TIGIT: variants seen among roughly 807,000 people sequenced by gnomAD.
TIGIT encodes the protein T-cell immunoreceptor with Ig and ITIM domains.
A neutral mutation model predicts 19.6 loss-of-function variants in TIGIT; 11 were observed. That is an observed-to-expected ratio of 0.56 (90% CI 0.35 to 0.93). The LOEUF is 0.93. TIGIT is among the 40% of genes least tolerant of loss of function. TIGIT has a pLI of 0.01. For synonymous variants in TIGIT, 130 were observed against 125.5 expected, an observed-to-expected ratio of 1.04 and a Z score of -0.24; for missense variants, 295 against 303.9, an observed-to-expected ratio of 0.97 and a Z score of 0.22.
chr3:114,307,704 C>T, intron 3 of TIGIT, 191 bp from the exon 4 acceptor site: 1 of 594,398 alleles, frequency 1.7e-6, no homozygotes, highest in Non-Finnish European at 3.0e-6. Context: ...AGTGCAGTTT[C>T]CATGGACTAG....
rs762078396 is a variant in TIGIT at position 114,308,057 on chromosome 3, G to A, written c.661G>A (p.Glu221Lys). ...CGEQRGEDCAELHDYFNVLSY... is the reference protein window; with the variant it reads ...CGEQRGEDCAKLHDYFNVLSY... ...AGAGCAGCGGGGAGAGGACTGTGCCGAGCTGCATGACTACTTCAATGTCCT... is the reference window on the plus strand; with the variant it reads ...AGAGCAGCGGGGAGAGGACTGTGCCAAGCTGCATGACTACTTCAATGTCCT... Residue 221 changes from glutamate to lysine, a missense_variant, in exon 4 of 4, where the codon GAG becomes AAG. Glu to Lys is a moderately conservative substitution (Grantham distance 56). Transcript: ENST00000383671. 2.2e-5 allele frequency: 36 copies of A among 1,614,168 alleles called. No homozygotes were observed. The highest frequency in any genetic ancestry group is 1.3e-4 in the East Asian group (6 of 44,878).
chr3:114,310,208 C>CTAT lies in TIGIT; in HGVS notation c.*2079_*2081dup. ...AGATTTAATATGAATAATAAGAATA[C>CTAT]TATTTCAGTAGTTTTGGTATATTGT... On this transcript the variant is annotated 3_prime_UTR_variant, in exon 4 of 4. Coordinates refer to ENST00000383671, the MANE Select transcript of TIGIT (RefSeq NM_173799.4). 1 of 152,112 alleles carries CTAT rather than the reference C, an allele frequency of 6.6e-6. No individual in the cohort carries two copies. The highest frequency in any genetic ancestry group is 1.9e-4 in the East Asian group (1 of 5,188). The allele number at this position is 152,112 out of a possible 1,614,324, so 9.4% of individuals were successfully genotyped here.
chr3:114,298,416 T>A lies in TIGIT; in HGVS notation c.392-1181T>A, dbSNP rs537243773. On this transcript the variant is annotated intron_variant, in intron 2 of 3. Coordinates refer to ENST00000383671, the MANE Select transcript of TIGIT (RefSeq NM_173799.4). Reference sequence around the variant, plus strand: ...CTCAACATGCTTTTCACTCCATCTATCTTCATCTGTCCCCAAGGTGTAAGA... The same window carrying A: ...CTCAACATGCTTTTCACTCCATCTAACTTCATCTGTCCCCAAGGTGTAAGA... Among the ~76,000 whole-genome samples the A allele has an allele frequency of 2.0e-5, 3 of 152,352 alleles. No homozygotes were observed. The South Asian group carries it at 6.2e-4, about 32-fold the overall frequency.
intron 3 of TIGIT, among the ~76,000 whole-genome samples, chr3:114,303,076 A>G (rs2078502441): frequency 6.6e-6 from 1 of 152,196 alleles, no homozygotes; most frequent in Non-Finnish European, 1.5e-5. Flanking sequence ...TTAATTTCAT[A>G]TAATTTTTAT....
At chr3:114,295,156 G>T in intron 1 of TIGIT, 1 of 231,592 alleles carries the variant, frequency 4.3e-6, no homozygotes, top group South Asian at 6.6e-5. Flanking sequence ...TCTTCTAGGA[G>T]GCGGGGAGGG....
intron 3 of TIGIT, among the ~76,000 whole-genome samples, chr3:114,302,425 G>A (rs2107952008): frequency 6.6e-6 from 1 of 152,326 alleles, no homozygotes; most frequent in African/African-American, 2.4e-5. Flanking sequence ...CTTCTCTCTT[G>A]TAGTCTTGAC....
intron 2 of TIGIT, among the ~76,000 whole-genome samples, chr3:114,298,546 C>A (rs2078469710): frequency 6.6e-6 from 1 of 152,180 alleles, no homozygotes; most frequent in Non-Finnish European, 1.5e-5. Context: ...TTACCTGCTG[C>A]AGTGTGTTCT....
chr3:114,306,272 T>G (rs973604155), intron 3 of TIGIT, among the ~76,000 whole-genome samples: 2 of 152,138 alleles, frequency 1.3e-5, no homozygotes, highest in Non-Finnish European at 2.9e-5. Context: ...TGGCTACATT[T>G]AGAGTGTATC....
intron 2 of TIGIT, 110 bp downstream of exon 2, chr3:114,295,984 A>C: frequency 2.3e-6 from 2 of 872,340 alleles, no homozygotes; most frequent in South Asian, 1.8e-5. Flanking sequence ...CATTTGAATC[A>C]CCTGAGGAGA....
intron 2 of TIGIT, 32 bp downstream of exon 2, chr3:114,295,906 C>T (rs773431041): frequency 6.5e-7 from 1 of 1,536,026 alleles, no homozygotes; most frequent in African/African-American, 1.4e-5. Flanking sequence ...GGTGGATAAA[C>T]CTCTCCCTCT....
In TIGIT at chr3:114,310,069, A is replaced by G. The variant is rs1313582152; in HGVS notation, c.*1938A>G. Reference sequence around the variant, plus strand: ...AGTTGGATTCCTGGAGACATGCGCTATCCACCACGTAGCCACTTTCCACAT... The same window carrying G: ...AGTTGGATTCCTGGAGACATGCGCTGTCCACCACGTAGCCACTTTCCACAT... On this transcript the variant is annotated 3_prime_UTR_variant, in exon 4 of 4. Transcript: ENST00000383671. The G allele has an allele frequency of 6.6e-6, 1 of 152,204 alleles. No homozygotes were observed. Among genetic ancestry groups the G allele is most frequent in the Non-Finnish European group, 1.5e-5 (1 of 68,038 alleles). 9.4% of individuals were successfully genotyped at this position (152,204 alleles called of 1,614,324 possible).
At position 114,308,218 on chromosome 3, in the gene TIGIT, C is replaced by CGTGT. The variant is rs35641088; in HGVS notation, c.*102_*105dup. On this transcript the variant is annotated 3_prime_UTR_variant, in exon 4 of 4. Coordinates refer to ENST00000383671, the MANE Select transcript of TIGIT (RefSeq NM_173799.4). ...GCAGCTGTACTCTCCATCAGTGCTG[C>CGTGT]GTGTGTGTGTGTGTGTGTATGTGTG... 200,475 of 821,656 alleles carry CGTGT rather than the reference C, an allele frequency of 0.24. 12,187 individuals carry two copies. The highest frequency in any genetic ancestry group is 0.29 in the Middle Eastern group (978 of 3,382). 50.9% of individuals were successfully genotyped at this position (821,656 alleles called of 1,614,324 possible).
In TIGIT at chr3:114,307,950, G is replaced by A; in HGVS notation, c.554G>A (p.Gly185Glu). 1 of 1,614,164 alleles carries A rather than the reference G, an allele frequency of 6.2e-7. No homozygotes were observed. The highest frequency in any genetic ancestry group is 8.5e-7 in the Non-Finnish European group (1 of 1,180,020). The change falls in exon 4 of 4, where the codon GGA (glycine) becomes GAA (glutamate). Residue 185 changes from glycine (G) to glutamate (E), a missense_variant. By Grantham distance (98) the Gly-to-Glu change is moderately conservative. Transcript: ENST00000383671. ...VEGDLRRKSA[G>E]QEEWSPSAPS... ...GGTGACCTCAGGAGAAAATCAGCTG[G>A]ACAGGAGGAATGGAGCCCCAGTGCT...
intron 3 of TIGIT, 107 bp downstream of exon 3, chr3:114,299,810 C>T (rs556989526): frequency 5.3e-5 from 37 of 694,194 alleles, no homozygotes; most frequent in Non-Finnish European, 8.0e-5. Flanking sequence ...GTGATCTTCC[C>T]GAGTGCTCTT....
intron 3 of TIGIT, among the ~76,000 whole-genome samples, chr3:114,302,325 G>A (rs1048248040): frequency 6.6e-6 from 1 of 152,204 alleles, no homozygotes; most frequent in Non-Finnish European, 1.5e-5. Context: ...GAGCCAAGAG[G>A]CAAATGGCTG....
At chr3:114,302,721 C>T (rs975912192) in intron 3 of TIGIT, among the ~76,000 whole-genome samples, 4 of 152,214 alleles carry the variant, frequency 2.6e-5, no homozygotes, top group African/African-American at 9.6e-5. Flanking sequence ...CTCAATGATG[C>T]TGGAGCTCCC....
At position 114,308,214 on chromosome 3, in the gene TIGIT, G is replaced by A; in HGVS notation, c.*83G>A. 9.5e-7 allele frequency: 1 copy of A among 1,057,308 alleles called. No homozygotes were observed. The highest frequency in any genetic ancestry group is 1.4e-6 in the Non-Finnish European group (1 of 697,904). The allele number at this position is 1,057,308 out of a possible 1,614,324, so 65.5% of individuals were successfully genotyped here. ...ATAAGCAGCTGTACTCTCCATCAGT[G>A]CTGCGTGTGTGTGTGTGTGTGTATG... On this transcript the variant is annotated 3_prime_UTR_variant, in exon 4 of 4. Coordinates refer to ENST00000383671, the MANE Select transcript of TIGIT (RefSeq NM_173799.4).
chr3:114,307,743 T>C, intron 3 of TIGIT, 152 bp from the exon 4 acceptor site: 1 of 697,384 alleles, frequency 1.4e-6, no homozygotes, highest in Non-Finnish European at 2.4e-6. Flanking sequence ...TGTAACGCGG[T>C]TGAGAAATTA....
rs2078438424 is a variant in TIGIT at position 114,294,117 on chromosome 3, C to G, written c.56C>G (p.Ala19Gly). 1.3e-6 allele frequency: 2 copies of G among 1,553,856 alleles called. No individual in the cohort carries two copies. Among genetic ancestry groups the G allele is most frequent in the African/African-American group, 2.7e-5 (2 of 73,342 alleles). ...WAQGLRQAPL[A>G]SGMMTGTIET... ...CAGGGGCTGAGGCAGGCTCCCCTCG[C>G]CTCAGGTAAGGCCTGAAACCCAGCA... is the stretch of plus-strand genomic sequence containing the variant. The change falls in exon 1 of 4, where the codon GCC (alanine) becomes GGC (glycine). Residue 19 changes from alanine (A) to glycine (G), a missense_variant. Physicochemically the swap from Ala to Gly is moderately conservative, Grantham distance 60. Transcript: ENST00000383671.
Sources: gnomAD v4.1 joint callset for allele counts (sites outside exome capture counted in the v4.1 genomes callset) on GRCh38, gnomAD v4.1.1 for gene constraint, MANE v1.5 for transcripts, NCBI Gene and HGNC (gene_info 2026-07-23, HGNC 2026-07-21) for gene names.